The following VPS13D variants were observed in gnomAD, a reference collection of about 807,000 sequenced individuals.
VPS13D encodes intermembrane lipid transfer protein VPS13D.
In VPS13D, 187 loss-of-function variants were observed where a neutral mutation model predicts 461.9. The observed-to-expected ratio is 0.40, with a 90% CI of 0.36 to 0.46. VPS13D has a LOEUF of 0.46. Ranked by LOEUF, VPS13D falls within the 20% of genes least tolerant of loss-of-function variation. VPS13D has a pLI of 0.60. For synonymous variants in VPS13D, 1,951 were observed against 1,986.3 expected, an observed-to-expected ratio of 0.98 and a Z score of 0.47; for missense variants, 4,711 against 5,364.9, an observed-to-expected ratio of 0.88 and a Z score of 3.81.
At chr1:12,470,894 ATAGT>A (rs1377399761) in intron 67 of VPS13D, among the ~76,000 whole-genome samples, 2 of 152,208 alleles carry the variant, frequency 1.3e-5, no homozygotes, top group African/African-American at 2.4e-5. Context: ...TTGAAAACAA[ATAGT>A]TATAGTTTTA....
rs375130709 is a variant in VPS13D, at chr1:12,242,583, C to G, written c.168C>G (p.Val56=). 7.1e-4 allele frequency: 1,147 copies of G among 1,613,750 alleles called. No individual in the cohort carries two copies. The highest frequency in any genetic ancestry group is 9.2e-4 in the Non-Finnish European group (1,091 of 1,179,860). Residue 56 remains valine, a synonymous_variant, in exon 3 of 70, where the codon GTC becomes GTG. Coordinates refer to ENST00000620676, the MANE Select transcript of VPS13D (RefSeq NM_015378.4). ...AAGAATTGGAATTACCATTTGAAGT[C>G]AAAGCTGGTATGTGGAACTAAAGGA... ...ALKELELPFE[V]KAGFIGKVTL...
At chr1:12,307,393 C>T (rs1180709692) in intron 26 of VPS13D, among the ~76,000 whole-genome samples, 1 of 152,082 alleles carries the variant, frequency 6.6e-6, no homozygotes, top group Admixed American at 6.5e-5. Flanking sequence ...AAGCCTGAGG[C>T]CTAGTGAGCA....
chr1:12,363,273 C>A, intron 52 of VPS13D, 26 bp downstream of exon 52: 2 of 1,607,366 alleles, frequency 1.2e-6, no homozygotes, highest in South Asian at 1.1e-5. Flanking sequence ...TAAATATAGA[C>A]AAAAAGGTAG....
At chr1:12,262,103 C>T (rs750851184) in intron 13 of VPS13D, 23 bp downstream of exon 13, 7 of 1,592,282 alleles carry the variant, frequency 4.4e-6, no homozygotes, top group Non-Finnish European at 6.0e-6. Context: ...CAAGAAACTA[C>T]CTGCCACTGT....
chr1:12,334,651 G>A (rs1643406553), intron 38 of VPS13D, among the ~76,000 whole-genome samples: 1 of 152,186 alleles, frequency 6.6e-6, no homozygotes, highest in Non-Finnish European at 1.5e-5. Context: ...TGTAGTCCCA[G>A]CTACTCAGGA....
At chr1:12,336,289 G>GT (rs1279471012) in intron 39 of VPS13D, 1 of 166,678 alleles carries the variant, frequency 6.0e-6, no homozygotes, top group Non-Finnish European at 1.3e-5. Context: ...GGAAAAAGTT[G>GT]TTAAAAAGGG....
chr1:12,420,581 A>G (rs1344039843), intron 65 of VPS13D, among the ~76,000 whole-genome samples: 1 of 152,070 alleles, frequency 6.6e-6, no homozygotes, highest in Non-Finnish European at 1.5e-5. Context: ...ATAAATGTGC[A>G]TTTTTCTGGG....
chr1:12,478,478 T>C (rs889001291), intron 67 of VPS13D: 1 of 242,672 alleles, frequency 4.1e-6, no homozygotes, highest in Non-Finnish European at 8.4e-6. Context: ...GCTCGAGTCT[T>C]GTACTGCCGC....
At chr1:12,272,105 T>C (rs1391138179) in intron 17 of VPS13D, among the ~76,000 whole-genome samples, 1 of 152,074 alleles carries the variant, frequency 6.6e-6, no homozygotes, top group Non-Finnish European at 1.5e-5. Context: ...GGCGGGAGGA[T>C]TGCTTGAGCC....
intron 45 of VPS13D, 62 bp downstream of exon 45, chr1:12,349,035 T>C: frequency 6.2e-7 from 1 of 1,609,780 alleles, no homozygotes; most frequent in Non-Finnish European, 8.5e-7. Context: ...TGTTGTCAAG[T>C]CTCTTTTTCC....
At position 12,456,062 on chromosome 1, in the gene VPS13D, A is replaced by T; in HGVS notation, c.12398A>T (p.Glu4133Val). Residue 4133 changes from glutamate (E) to valine (V), a missense_variant, in exon 66 of 70, where the codon GAG becomes GTG. Coordinates refer to ENST00000620676, the MANE Select transcript of VPS13D (RefSeq NM_015378.4). ...GACAATCGGCATCAGTCAGAGCGGGAGTACATCAGGTACCATGCAGCCACA... is the reference window on the plus strand; with the variant it reads ...GACAATCGGCATCAGTCAGAGCGGGTGTACATCAGGTACCATGCAGCCACA... ...TMDNRHQSER[E>V]YIRYHAATSG... 6.2e-7 allele frequency: 1 copy of T among 1,614,046 alleles called. No individual in the cohort carries two copies. Among genetic ancestry groups the T allele is most frequent in the Non-Finnish European group, 8.5e-7 (1 of 1,179,956 alleles).
chr1:12,289,025 A>G (rs1293047975), intron 22 of VPS13D, among the ~76,000 whole-genome samples: 1 of 152,106 alleles, frequency 6.6e-6, no homozygotes, highest in Non-Finnish European at 1.5e-5. Context: ...TATTTTTGGT[A>G]GAGACAGTGT....
intron 67 of VPS13D, among the ~76,000 whole-genome samples, chr1:12,481,113 G>A (rs1025432608): frequency 6.6e-6 from 1 of 152,204 alleles, no homozygotes; most frequent in Non-Finnish European, 1.5e-5. Flanking sequence ...GCTTTGTGTT[G>A]CTCAGAGAAG....
chr1:12,363,323 G>A (rs1643978734), intron 52 of VPS13D, 76 bp downstream of exon 52: 1 of 1,466,034 alleles, frequency 6.8e-7, no homozygotes, highest in Non-Finnish European at 9.3e-7. Context: ...CAAGCCTTGT[G>A]TAAAATGGGC....
intron 65 of VPS13D, among the ~76,000 whole-genome samples, chr1:12,426,357 A>G (rs1037837191): frequency 3.9e-5 from 6 of 152,208 alleles, no homozygotes; most frequent in East Asian, 3.8e-4. Flanking sequence ...TCTAAATGCT[A>G]TGTGTTAAGT....
At chr1:12,484,053 T>C (rs1160105828) in intron 67 of VPS13D, among the ~76,000 whole-genome samples, 2 of 152,210 alleles carry the variant, frequency 1.3e-5, no homozygotes, top group Non-Finnish European at 2.9e-5. Context: ...TTGGATTATA[T>C]GTGGCGTGGC....
chr1:12,345,693 G>T (rs888546114), intron 43 of VPS13D, among the ~76,000 whole-genome samples, 184 bp downstream of exon 43: 1 of 152,182 alleles, frequency 6.6e-6, no homozygotes, highest in African/African-American at 2.4e-5. Flanking sequence ...GTTAGTTTCA[G>T]TAGAAAAACA....
chr1:12,352,040 A>G (rs1259142563), intron 46 of VPS13D, among the ~76,000 whole-genome samples: 1 of 151,232 alleles, frequency 6.6e-6, no homozygotes. Flanking sequence ...CTATAATCCC[A>G]GCACTTTGGG....
intron 67 of VPS13D, among the ~76,000 whole-genome samples, chr1:12,464,639 C>T (rs553385639): frequency 6.6e-6 from 1 of 151,916 alleles, no homozygotes; most frequent in Non-Finnish European, 1.5e-5. Context: ...AGTGCGCTGG[C>T]ATTCCAAGCG....
Sources: gnomAD v4.1 joint callset for allele counts (sites outside exome capture counted in the v4.1 genomes callset) on GRCh38, gnomAD v4.1.1 for gene constraint, MANE v1.5 for transcripts, NCBI Gene and HGNC (gene_info 2026-07-23, HGNC 2026-07-21) for gene names.